The following TECRL variants were observed in gnomAD, a reference collection of about 807,000 sequenced individuals.
TECRL encodes trans-2,3-enoyl-CoA reductase-like.
In TECRL, 63 loss-of-function variants were observed where a neutral mutation model predicts 52.8. The observed-to-expected ratio is 1.19, with a 90% CI of 0.97 to 1.47. TECRL has a LOEUF of 1.47. Among genes scored for constraint, TECRL ranks in the 40% most tolerant of loss-of-function variants. The probability of loss-of-function intolerance (pLI) is 0.00; values close to 1 mark genes in which losing one functional copy is unlikely to be tolerated. For missense variants in TECRL, 482 were observed against 429.6 expected, an observed-to-expected ratio of 1.12 and a Z score of -1.08; for synonymous variants, 164 against 141.9, an observed-to-expected ratio of 1.16 and a Z score of -1.10.
chr4:64,317,886 G>A (rs1025420109), intron 4 of TECRL, among the ~76,000 whole-genome samples: 4 of 152,132 alleles, frequency 2.6e-5, no homozygotes, highest in Admixed American at 6.5e-5. Context: ...AGCCTCATAT[G>A]AGCCTGATAA....
chr4:64,395,841 G>T, intron 1 of TECRL, among the ~76,000 whole-genome samples: 1 of 151,982 alleles, frequency 6.6e-6, no homozygotes, highest in East Asian at 1.9e-4. Flanking sequence ...CCACCCTCAA[G>T]TAGGCCCCAG....
chr4:64,380,050 A>G (rs1365813214), intron 1 of TECRL, among the ~76,000 whole-genome samples: 1 of 152,114 alleles, frequency 6.6e-6, no homozygotes, highest in Non-Finnish European at 1.5e-5. Flanking sequence ...CTGCAGCCTC[A>G]CCAGCATTTG....
At chr4:64,313,706 C>T (rs1162716253) in intron 5 of TECRL, among the ~76,000 whole-genome samples, 5 of 150,456 alleles carry the variant, frequency 3.3e-5, no homozygotes, top group South Asian at 2.1e-4. Flanking sequence ...TGGTCTCGAT[C>T]TCCTGACCTT....
chr4:64,358,103 GAA>G (rs34628124), intron 2 of TECRL, among the ~76,000 whole-genome samples: 55 of 149,724 alleles, frequency 3.7e-4, no homozygotes, highest in Non-Finnish European at 4.9e-4. Context: ...TTGAAAAAAC[GAA>G]AAAAAAAAGA....
chr4:64,409,321 C>T lies in TECRL; in HGVS notation c.31G>A (p.Glu11Lys), dbSNP rs1055028800. 6.2e-7 allele frequency: 1 copy of T among 1,613,474 alleles called. No individual in the cohort carries two copies. The highest frequency in any genetic ancestry group is 1.1e-5 in the South Asian group (1 of 91,060). The change falls in exon 1 of 12, where the codon GAA (glutamate) becomes AAA (lysine). Residue 11 changes from glutamate (E) to lysine (K), a missense_variant. Coordinates refer to ENST00000381210, the MANE Select transcript of TECRL (RefSeq NM_001010874.5). ...TGGGAAAGTAATGCTCTCTTGCGTTCCGAAGCGAGGGACTTGTGCCTTTTG... is the reference window on the plus strand; with the variant it reads ...TGGGAAAGTAATGCTCTCTTGCGTTTCGAAGCGAGGGACTTGTGCCTTTTG... MFKRHKSLAS[E>K]RKRALLSQRA...
At chr4:64,334,030 C>CAAAAAAAAAA (rs4034910) in intron 2 of TECRL, among the ~76,000 whole-genome samples, 782 of 27,940 alleles carry the variant, frequency 0.028, 87 homozygotes, top group Admixed American at 0.078. Context: ...GACTCCGTCT[C>CAAAAAAAAAA]AAAAAAAAAA....
intron 4 of TECRL, 43 bp downstream of exon 4, chr4:64,322,646 C>A (rs763721812): frequency 1.5e-6 from 2 of 1,372,096 alleles, no homozygotes; most frequent in African/African-American, 1.5e-5. Context: ...TTATTTAGAG[C>A]AAAATATGAG....
chr4:64,373,082 T>C (rs556813928), intron 2 of TECRL, among the ~76,000 whole-genome samples: 25 of 151,896 alleles, frequency 1.6e-4, no homozygotes, highest in Admixed American at 1.1e-3. Context: ...TACATTCTTT[T>C]AAATACTTTA....
chr4:64,377,491 G>A (rs1267991570), intron 1 of TECRL, among the ~76,000 whole-genome samples: 1 of 151,854 alleles, frequency 6.6e-6, no homozygotes, highest in Non-Finnish European at 1.5e-5. Context: ...AACTATCATC[G>A]TGATAATTTA....
At chr4:64,325,733 A>G (rs1718218292) in intron 3 of TECRL, among the ~76,000 whole-genome samples, 1 of 152,154 alleles carries the variant, frequency 6.6e-6, no homozygotes. Context: ...ATATGTTTCC[A>G]ATATACATCT....
At chr4:64,339,867 A>T (rs1483893526) in intron 2 of TECRL, among the ~76,000 whole-genome samples, 1 of 152,192 alleles carries the variant, frequency 6.6e-6, no homozygotes, top group Admixed American at 6.5e-5. Context: ...TTTCACGATC[A>T]TAAATTCCTC....
intron 1 of TECRL, among the ~76,000 whole-genome samples, chr4:64,400,962 G>C (rs1724315790): frequency 6.6e-6 from 1 of 152,156 alleles, no homozygotes; most frequent in South Asian, 2.1e-4. Flanking sequence ...AACATAATAA[G>C]TTTGCCCAGT....
intron 2 of TECRL, among the ~76,000 whole-genome samples, chr4:64,372,934 T>C (rs976940994): frequency 6.6e-6 from 1 of 151,690 alleles, no homozygotes; most frequent in Non-Finnish European, 1.5e-5. Flanking sequence ...AAGTATCCAA[T>C]GTTATCTAGT....
At chr4:64,305,608 C>A (rs1443799774) in intron 6 of TECRL, among the ~76,000 whole-genome samples, 2 of 152,106 alleles carry the variant, frequency 1.3e-5, no homozygotes, top group Non-Finnish European at 2.9e-5. Context: ...AAGGGACTTT[C>A]CAGCCACCTG....
intron 1 of TECRL, among the ~76,000 whole-genome samples, chr4:64,391,678 C>T (rs1330661641): frequency 6.6e-6 from 1 of 151,784 alleles, no homozygotes; most frequent in African/African-American, 2.4e-5. Flanking sequence ...ATAGTAGGTA[C>T]ATTCATTGAA....
At chr4:64,337,852 C>T (rs969701014) in intron 2 of TECRL, among the ~76,000 whole-genome samples, 3 of 152,120 alleles carry the variant, frequency 2.0e-5, no homozygotes, top group African/African-American at 7.2e-5. Flanking sequence ...AATGGCCATA[C>T]TGCCCAAGGT....
rs533779353 is a variant in TECRL, at chr4:64,356,171, A to G, written c.286+19001T>C. The stretch of plus-strand genomic sequence containing the variant: ...ATAAACCAGGGGCACAATGCACTGC[A>G]GAAAGCTGCAGAGACCTCTGCCCTG... On this transcript the variant is annotated intron_variant, in intron 2 of 11. Transcript: ENST00000381210. Among the ~76,000 whole-genome samples, 32 of 152,342 alleles carry G rather than the reference A, an allele frequency of 2.1e-4. No homozygotes were observed. In the East Asian group the frequency reaches 5.6e-3, roughly 27 times the overall value.
chr4:64,307,211 A>AC (rs899961318), intron 6 of TECRL, among the ~76,000 whole-genome samples: 34 of 151,676 alleles, frequency 2.2e-4, no homozygotes, highest in African/African-American at 7.0e-4. Flanking sequence ...ATTTAAGGAC[A>AC]CCCCCCCTTC....
intron 8 of TECRL, among the ~76,000 whole-genome samples, chr4:64,290,802 A>C (rs530652718): frequency 1.7e-4 from 26 of 152,124 alleles, no homozygotes; most frequent in Non-Finnish European, 2.8e-4. Context: ...ATGCTATTTA[A>C]AATAATCATC....
Sources: gnomAD v4.1 joint callset for allele counts (sites outside exome capture counted in the v4.1 genomes callset) on GRCh38, gnomAD v4.1.1 for gene constraint, MANE v1.5 for transcripts, NCBI Gene and HGNC (gene_info 2026-07-23, HGNC 2026-07-21) for gene names.